The following PUDP variants were observed in gnomAD, a reference collection of about 807,000 sequenced individuals.
PUDP encodes the protein pseudouridine 5'-phosphatase, also known as pseudouridine-5'-phosphatase.
A neutral mutation model predicts 9.4 loss-of-function variants in PUDP; 8 were observed. The observed-to-expected ratio is 0.85, with a 90% CI of 0.50 to 1.53. PUDP has a LOEUF of 1.53. Among genes scored for constraint, PUDP ranks in the 40% most tolerant of loss-of-function variants. PUDP has a pLI of 0.00. For missense variants in PUDP, 188 were observed against 189.7 expected (o/e 0.99, Z 0.05); for synonymous variants, 99 against 80.7 (o/e 1.23, Z -1.22).
intron 3 of PUDP, among the ~76,000 whole-genome samples, chrX:6,761,845 G>T (rs907723236): frequency 9.0e-6 from 1 of 111,286 alleles, no homozygotes; most frequent in African/African-American, 3.3e-5. Flanking sequence ...CACTCTTTAT[G>T]AGTCAAATGA....
chrX:6,754,417 T>C (rs988205469), intron 3 of PUDP, among the ~76,000 whole-genome samples: 5 of 110,790 alleles, frequency 4.5e-5, no homozygotes, highest in Non-Finnish European at 9.4e-5. Context: ...TATCCAGTCT[T>C]AGGTATGCCT....
At chrX:6,850,226 C>T (rs753586320) in intron 3 of PUDP, among the ~76,000 whole-genome samples, 7 of 112,023 alleles carry the variant, frequency 6.2e-5, no homozygotes, top group Admixed American at 1.9e-4. Context: ...CTACATGCTG[C>T]GGTCATCACG....
intron 1 of PUDP, among the ~76,000 whole-genome samples, chrX:7,018,017 C>A (rs903012777): frequency 9.0e-6 from 1 of 111,706 alleles, no homozygotes; most frequent in Non-Finnish European, 1.9e-5. Context: ...TACACTCCCA[C>A]CAGCGCCATG....
chrX:6,800,704 C>G (rs1173039058), intron 3 of PUDP, among the ~76,000 whole-genome samples: 1 of 111,521 alleles, frequency 9.0e-6, no homozygotes, highest in African/African-American at 3.3e-5. Flanking sequence ...CCTCCCAGCA[C>G]GAGTGATGGC....
intron 3 of PUDP, among the ~76,000 whole-genome samples, chrX:6,767,946 G>A (rs1281541280): frequency 9.0e-6 from 1 of 111,152 alleles, no homozygotes; most frequent in African/African-American, 3.3e-5. Context: ...GAGTTTTGGG[G>A]TTTGCAAAGC....
chrX:7,116,297 C>T (rs780373036), intron 1 of PUDP, among the ~76,000 whole-genome samples: 4 of 111,187 alleles, frequency 3.6e-5, no homozygotes, highest in African/African-American at 1.3e-4. Flanking sequence ...CTCTGGCTGG[C>T]GGTGGAAACT....
intron 3 of PUDP, among the ~76,000 whole-genome samples, chrX:6,960,844 T>C (rs1326017552): frequency 1.8e-5 from 2 of 111,005 alleles, no homozygotes; most frequent in Non-Finnish European, 3.8e-5. Flanking sequence ...ACAGTAAATA[T>C]TTTAGGCGTT....
chrX:6,853,454 T>C (rs1926859025), intron 3 of PUDP, among the ~76,000 whole-genome samples: 1 of 30,258 alleles, frequency 3.3e-5, no homozygotes, highest in South Asian at 7.0e-4. Context: ...TTTGTGTGTG[T>C]TTTTTTTTTT....
intron 3 of PUDP, among the ~76,000 whole-genome samples, chrX:6,940,337 T>C (rs754643539): frequency 1.4e-4 from 16 of 112,733 alleles, no homozygotes; most frequent in African/African-American, 3.2e-5. Flanking sequence ...ACCATATGGC[T>C]CACAAAGAGA....
intron 3 of PUDP, among the ~76,000 whole-genome samples, chrX:6,887,079 TTA>T (rs1218414802): frequency 1.8e-3 from 188 of 104,826 alleles, no homozygotes; most frequent in African/African-American, 5.9e-3. Flanking sequence ...TATTGTATAT[TTA>T]TATGATAAAT....
At chrX:6,822,254 T>C (rs1926353010) in intron 3 of PUDP, among the ~76,000 whole-genome samples, 1 of 111,762 alleles carries the variant, frequency 8.9e-6, no homozygotes, top group African/African-American at 3.3e-5. Context: ...GCCGTCCTCA[T>C]ACCTGGGTAA....
At chrX:7,084,650 A>G (rs1008267206) in intron 2 of PUDP, 1 of 111,472 alleles carries the variant, frequency 9.0e-6, no homozygotes, top group Non-Finnish European at 1.9e-5. Flanking sequence ...CCCTCAATAA[A>G]TATCTATGAC....
At chrX:7,056,009 CCTTTT>C (rs1930232651) in intron 3 of PUDP, among the ~76,000 whole-genome samples, 1 of 111,237 alleles carries the variant, frequency 9.0e-6, no homozygotes, top group South Asian at 3.9e-4. Context: ...TCTCATGCTT[CCTTTT>C]AAGCACCTCA....
chrX:6,842,898 G>A (rs986696783), intron 3 of PUDP, among the ~76,000 whole-genome samples: 1 of 112,177 alleles, frequency 8.9e-6, no homozygotes, highest in Non-Finnish European at 1.9e-5. Context: ...CTTATCCAGA[G>A]AGTGTTACAA....
chrX:6,962,706 T>C (rs1928726430), intron 3 of PUDP, among the ~76,000 whole-genome samples: 1 of 112,563 alleles, frequency 8.9e-6, no homozygotes, highest in South Asian at 3.6e-4. Context: ...TGGTTTAAAA[T>C]TGGTTTTATA....
intron 3 of PUDP, among the ~76,000 whole-genome samples, chrX:6,922,630 C>T (rs942407833): frequency 1.8e-5 from 2 of 111,556 alleles, no homozygotes; most frequent in African/African-American, 6.5e-5. Context: ...TCTCCATTCC[C>T]ATCCTCACTC....
At chrX:6,925,700 A>T (rs1383515448) in intron 3 of PUDP, among the ~76,000 whole-genome samples, 1 of 111,887 alleles carries the variant, frequency 8.9e-6, no homozygotes, top group Non-Finnish European at 1.9e-5. Flanking sequence ...ACATGGGAGG[A>T]GGTGTACATT....
chrX:6,707,749 G>A (rs1305486886), intron 1 of PUDP, among the ~76,000 whole-genome samples: 3 of 112,042 alleles, frequency 2.7e-5, no homozygotes, highest in South Asian at 7.5e-4. Context: ...TGTGCAGCCC[G>A]GTTCCTAACA....
chrX:6,956,000 CCTTT>C (rs1928621581), intron 3 of PUDP, among the ~76,000 whole-genome samples: 1 of 111,582 alleles, frequency 9.0e-6, no homozygotes. Context: ...AGATAAATCT[CCTTT>C]CTATCTGGTC....
Sources: gnomAD v4.1 joint callset for allele counts (sites outside exome capture counted in the v4.1 genomes callset) on GRCh38, gnomAD v4.1.1 for gene constraint, MANE v1.5 for transcripts, NCBI Gene and HGNC (gene_info 2026-07-23, HGNC 2026-07-21) for gene names.